Variants in METTL15 observed in about 807,000 individuals in gnomAD.
The protein encoded by METTL15 is 12S rRNA N(4)-cytidine methyltransferase METTL15.
A neutral mutation model predicts 38.3 loss-of-function variants in METTL15; 34 were observed. That is an observed-to-expected ratio of 0.89 (90% CI 0.68 to 1.18). The LOEUF (loss-of-function observed/expected upper bound fraction) is 1.18. Among genes scored for constraint, METTL15 ranks in the 50% most tolerant of loss-of-function variants. The probability of loss-of-function intolerance (pLI) is 0.00; values close to 1 mark genes in which losing one functional copy is unlikely to be tolerated. For missense variants in METTL15, 438 were observed against 498.4 expected (o/e 0.88, Z 1.15); for synonymous variants, 162 against 170.9 (o/e 0.95, Z 0.41).
chr11:28,440,740 G>A (rs958493557), intron 6 of METTL15, among the ~76,000 whole-genome samples: 8 of 152,072 alleles, frequency 5.3e-5, no homozygotes, highest in Non-Finnish European at 1.2e-4. Flanking sequence ...CACACACATA[G>A]GTACACACAC....
At chr11:28,317,111 A>C (rs1335521550) in intron 6 of METTL15, among the ~76,000 whole-genome samples, 1 of 151,894 alleles carries the variant, frequency 6.6e-6, no homozygotes, top group Non-Finnish European at 1.5e-5. Flanking sequence ...TTTTTGTTCA[A>C]ACTTATAACT....
intron 4 of METTL15, among the ~76,000 whole-genome samples, chr11:28,232,644 CA>C (rs1359919017): frequency 6.6e-6 from 1 of 151,842 alleles, no homozygotes; most frequent in East Asian, 1.9e-4. Context: ...TTAAAAGGAA[CA>C]TATTGTGTGC....
intron 4 of METTL15, among the ~76,000 whole-genome samples, chr11:28,239,903 T>A (rs1854215028): frequency 6.6e-6 from 1 of 152,226 alleles, no homozygotes; most frequent in Admixed American, 6.5e-5. Flanking sequence ...TTTTAAATAA[T>A]AATTACTAGT....
intron 4 of METTL15, among the ~76,000 whole-genome samples, chr11:28,281,173 C>T (rs1176041595): frequency 6.6e-6 from 1 of 152,060 alleles, no homozygotes; most frequent in East Asian, 1.9e-4. Flanking sequence ...ACTATGTTAC[C>T]CTAATGCAAT....
chr11:28,128,071 A>G (rs1188058532), intron 3 of METTL15, among the ~76,000 whole-genome samples: 1 of 152,162 alleles, frequency 6.6e-6, no homozygotes, highest in Non-Finnish European at 1.5e-5. Context: ...TATTTTATGA[A>G]TTATAATGCC....
At chr11:28,251,827 C>A (rs114991493) in intron 4 of METTL15, among the ~76,000 whole-genome samples, 5,398 of 152,122 alleles carry the variant, frequency 0.035, 325 homozygotes, top group African/African-American at 0.12. Flanking sequence ...GGACCTCCCA[C>A]CTCTAGTCAC....
At chr11:28,505,842 G>A (rs368200148) in intron 6 of METTL15, among the ~76,000 whole-genome samples, 8 of 152,142 alleles carry the variant, frequency 5.3e-5, no homozygotes, top group Non-Finnish European at 1.0e-4. Context: ...GTGTAATGAC[G>A]ATGGATTGAG....
chr11:28,260,793 A>G (rs1405712464), intron 4 of METTL15, among the ~76,000 whole-genome samples: 1 of 152,206 alleles, frequency 6.6e-6, no homozygotes, highest in Non-Finnish European at 1.5e-5. Flanking sequence ...GAGGAATCAT[A>G]GATGTTGTGC....
chr11:28,302,186 T>A (rs1162724068), intron 6 of METTL15, among the ~76,000 whole-genome samples: 4 of 152,186 alleles, frequency 2.6e-5, no homozygotes, highest in African/African-American at 9.6e-5. Flanking sequence ...CCTGAGTAGC[T>A]GGGATTACAG....
chr11:28,244,433 A>G (rs1273809145), intron 4 of METTL15, among the ~76,000 whole-genome samples: 4 of 151,746 alleles, frequency 2.6e-5, no homozygotes, highest in Non-Finnish European at 2.9e-5. Flanking sequence ...TTTCAGCTAC[A>G]TAAGATTGGG....
intron 4 of METTL15, among the ~76,000 whole-genome samples, chr11:28,243,490 A>G (rs1322911760): frequency 6.6e-6 from 1 of 152,230 alleles, no homozygotes; most frequent in Admixed American, 6.5e-5. Context: ...TAAAAATAGT[A>G]TGTATCATAA....
intron 5 of METTL15, among the ~76,000 whole-genome samples, chr11:28,380,341 C>T (rs1236959820): frequency 1.3e-5 from 2 of 151,648 alleles, no homozygotes; most frequent in Non-Finnish European, 2.9e-5. Context: ...CTAAGTTTTT[C>T]GTATTTTTAA....
chr11:28,531,258 A>C (rs549927215), downstream of METTL15, among the ~76,000 whole-genome samples: 1 of 152,136 alleles, frequency 6.6e-6, no homozygotes, highest in African/African-American at 2.4e-5. Context: ...GACCTAGAAA[A>C]CAAGAGGAGA....
chr11:28,218,105 G>A (rs1852991960), intron 4 of METTL15, among the ~76,000 whole-genome samples: 1 of 152,130 alleles, frequency 6.6e-6, no homozygotes, highest in African/African-American at 2.4e-5. Context: ...AAAGTCATTG[G>A]TAGCTTGATG....
intron 5 of METTL15, among the ~76,000 whole-genome samples, chr11:28,410,418 T>C (rs1462766577): frequency 6.6e-6 from 1 of 152,132 alleles, no homozygotes; most frequent in Admixed American, 6.6e-5. Context: ...AAAGAGACTA[T>C]ACATTATGAC....
chr11:28,320,818 TA>T (rs1326433131), intron 6 of METTL15, among the ~76,000 whole-genome samples: 1 of 152,170 alleles, frequency 6.6e-6, no homozygotes, highest in Non-Finnish European at 1.5e-5. Flanking sequence ...CCAAATAGGG[TA>T]AAACTAACAT....
intron 4 of METTL15, among the ~76,000 whole-genome samples, chr11:28,249,263 G>A (rs1315732584): frequency 1.3e-5 from 2 of 151,724 alleles, no homozygotes; most frequent in African/African-American, 2.4e-5. Context: ...AGCATCTTCC[G>A]AGATTTGACA....
intron 6 of METTL15, among the ~76,000 whole-genome samples, chr11:28,479,233 G>C (rs1365278473): frequency 6.8e-6 from 1 of 147,704 alleles, no homozygotes. Context: ...TCATGACTAT[G>C]TCAGATGCTA....
intron 6 of METTL15, among the ~76,000 whole-genome samples, chr11:28,315,587 G>A (rs1287418954): frequency 6.6e-6 from 1 of 152,220 alleles, no homozygotes; most frequent in Non-Finnish European, 1.5e-5. Flanking sequence ...GCAGAAATTT[G>A]CATAAGTAAG....
Sources: allele counts gnomAD v4.1 joint callset (sites outside exome capture counted in the v4.1 genomes callset), GRCh38; gene constraint gnomAD v4.1.1; transcripts MANE v1.5; gene names NCBI Gene and HGNC (gene_info 2026-07-23, HGNC 2026-07-21).